The following AASS variants were observed in gnomAD, a reference collection of about 807,000 sequenced individuals.
AASS encodes alpha-aminoadipic semialdehyde synthase, mitochondrial.
A neutral mutation model predicts 105.4 loss-of-function variants in AASS; 86 were observed. The observed-to-expected ratio is 0.82, with a 90% CI of 0.69 to 0.98. AASS has a LOEUF of 0.98. Ranked by LOEUF, AASS falls within the 50% of genes least tolerant of loss-of-function variation. AASS has a pLI of 0.00. For missense variants in AASS, 1,048 were observed against 1,143.2 expected (o/e 0.92, Z 1.20); for synonymous variants, 381 against 394.8 (o/e 0.96, Z 0.41).
In AASS at chr7:122,079,646, C is replaced by T; in HGVS notation, c.2347G>A (p.Val783Ile). Reference protein sequence around the residue: ...SSEHDVLKEAVLKKLGGDNTQ... With the variant: ...SSEHDVLKEAILKKLGGDNTQ... ...TTGTCTCCTCCTAGTTTCTTAAGAACAGCTTCCTTCAACACATCATGCTCA... is the reference window on the plus strand; with the variant it reads ...TTGTCTCCTCCTAGTTTCTTAAGAATAGCTTCCTTCAACACATCATGCTCA... Residue 783 changes from valine to isoleucine, a missense_variant, in exon 21 of 24, where the codon GTT (valine) becomes ATT (isoleucine). Physicochemically the swap from Val to Ile is conservative, Grantham distance 29. Transcript: ENST00000417368. 6.2e-7 allele frequency: 1 copy of T among 1,614,076 alleles called. No homozygotes were observed. The highest frequency in any genetic ancestry group is 8.5e-7 in the Non-Finnish European group (1 of 1,179,956).
chr7:122,126,636 C>A (rs926230181), intron 3 of AASS, among the ~76,000 whole-genome samples, 177 bp from the exon 4 acceptor site: 1 of 152,108 alleles, frequency 6.6e-6, no homozygotes, highest in African/African-American at 2.4e-5. Flanking sequence ...GGTAGCAAAC[C>A]AATGGTAGGC....
intron 2 of AASS, among the ~76,000 whole-genome samples, chr7:122,129,788 G>T (rs1036903372): frequency 1.3e-5 from 2 of 152,076 alleles, no homozygotes; most frequent in Admixed American, 6.6e-5. Flanking sequence ...TTTAAGAAGA[G>T]TTTATAATTT....
chr7:122,121,625 C>A (rs980563898), intron 4 of AASS, among the ~76,000 whole-genome samples: 7 of 152,150 alleles, frequency 4.6e-5, no homozygotes, highest in Admixed American at 2.0e-4. Context: ...AACTCCTGAG[C>A]TCAAGCAATC....
intron 21 of AASS, 118 bp downstream of exon 21, chr7:122,079,479 C>T (rs1793200923): frequency 2.8e-6 from 3 of 1,081,938 alleles, no homozygotes; most frequent in African/African-American, 3.1e-5. Context: ...ATCTCTCTAC[C>T]CACATTAGAG....
At chr7:122,106,547 C>T (rs1353036635) in intron 11 of AASS, among the ~76,000 whole-genome samples, 1 of 151,856 alleles carries the variant, frequency 6.6e-6, no homozygotes, top group African/African-American at 2.4e-5. Flanking sequence ...AAGACTCGTA[C>T]AAAACCAGAC....
intron 18 of AASS, among the ~76,000 whole-genome samples, chr7:122,086,948 A>C (rs1171230034): frequency 6.6e-6 from 1 of 152,216 alleles, no homozygotes; most frequent in Non-Finnish European, 1.5e-5. Flanking sequence ...TCTAATTTTA[A>C]TTAAAAGACT....
At chr7:122,081,359 G>T (rs1793311869) in intron 20 of AASS, 141 bp downstream of exon 20, 2 of 765,998 alleles carry the variant, frequency 2.6e-6, no homozygotes, top group Non-Finnish European at 4.7e-6. Context: ...AGGGAAAGGG[G>T]GCTTTGGAGT....
intron 9 of AASS, 55 bp from the exon 10 acceptor site, chr7:122,113,775 AG>A: frequency 1.3e-6 from 2 of 1,596,800 alleles, no homozygotes; most frequent in Middle Eastern, 3.3e-4. Context: ...GTCTCCAACA[AG>A]ACTAAAAAAA....
Position 122,115,182 on chromosome 7 carries a change from C to T in AASS, c.935G>A (p.Trp312Ter). 1.2e-6 allele frequency: 2 copies of T among 1,614,058 alleles called. No individual in the cohort carries two copies. The highest frequency in any genetic ancestry group is 2.2e-5 in the South Asian group (2 of 91,080). ...YTTCLINGIY[W>*]EQNTPRLLTR... The stretch of plus-strand genomic sequence containing the variant: ...TAGGAGGCGAGGAGTGTTTTGTTCC[C>T]AGTAGATTCCATTAATTAAGCAAGT... Residue 312 changes from tryptophan (W) to a stop codon, truncating the protein, a stop_gained, in exon 9 of 24, where the codon TGG becomes TAG. Transcript: ENST00000417368. LOFTEE classifies it high-confidence loss of function.
At chr7:122,103,878 T>G (rs1794543795) in intron 11 of AASS, among the ~76,000 whole-genome samples, 1 of 152,052 alleles carries the variant, frequency 6.6e-6, no homozygotes, top group Non-Finnish European at 1.5e-5. Flanking sequence ...TAAGTTGTTA[T>G]TAGTATAAAA....
intron 17 of AASS, 112 bp downstream of exon 17, chr7:122,092,731 A>T: frequency 1.0e-6 from 1 of 997,734 alleles, no homozygotes; most frequent in Non-Finnish European, 1.6e-6. Flanking sequence ...TCTCAAAAAA[A>T]AAAAATCTTT....
intron 1 of AASS, among the ~76,000 whole-genome samples, chr7:122,139,669 T>C (rs924416338): frequency 5.9e-5 from 9 of 152,192 alleles, no homozygotes; most frequent in Non-Finnish European, 1.3e-4. Context: ...CTTAAAATGA[T>C]GTGTTTGGCC....
chr7:122,123,450 C>T (rs935055943), intron 4 of AASS, among the ~76,000 whole-genome samples: 1 of 152,200 alleles, frequency 6.6e-6, no homozygotes, highest in African/African-American at 2.4e-5. Flanking sequence ...TTCTATATCT[C>T]ATTCAATTTT....
chr7:122,101,340 T>C (rs774118782), intron 13 of AASS, 31 bp downstream of exon 13: 2 of 1,525,490 alleles, frequency 1.3e-6, no homozygotes, highest in Admixed American at 3.4e-5. Context: ...AGAATAAATG[T>C]ATAAAACAAG....
intron 10 of AASS, 122 bp downstream of exon 10, chr7:122,113,476 T>A: frequency 7.8e-7 from 1 of 1,284,852 alleles, no homozygotes; most frequent in Non-Finnish European, 1.1e-6. Flanking sequence ...AATTTTAGTA[T>A]GTTTGAGTAT....
rs1198840455 is a variant in AASS at position 122,088,059 on chromosome 7, C to A, written c.2017-1880G>T. Among the ~76,000 whole-genome samples the A allele has an allele frequency of 2.6e-5, 4 of 152,174 alleles. No homozygotes were observed. The East Asian group carries it at 5.8e-4, about 22-fold the overall frequency. On this transcript the variant is annotated intron_variant, in intron 18 of 23. Coordinates refer to ENST00000417368, the MANE Select transcript of AASS (RefSeq NM_005763.4). ...ATATAATGTAGTTCAACAATAAGTTCTTTCTTGTTTATTATTTTATTAATA... is the reference window on the plus strand; with the variant it reads ...ATATAATGTAGTTCAACAATAAGTTATTTCTTGTTTATTATTTTATTAATA...
intron 10 of AASS, 111 bp downstream of exon 10, chr7:122,113,487 A>G: frequency 2.2e-6 from 3 of 1,390,354 alleles, no homozygotes; most frequent in Non-Finnish European, 2.0e-6. Flanking sequence ...GTTTGAGTAT[A>G]TCTCTCCAAA....
chr7:122,087,385 C>T (rs1793680771), intron 18 of AASS, among the ~76,000 whole-genome samples: 1 of 152,158 alleles, frequency 6.6e-6, no homozygotes, highest in Admixed American at 6.5e-5. Flanking sequence ...GAGTGCCAAG[C>T]ACCATTTAAA....
At chr7:122,095,179 G>A (rs957883331) in intron 15 of AASS, among the ~76,000 whole-genome samples, 1 of 151,988 alleles carries the variant, frequency 6.6e-6, no homozygotes, top group Non-Finnish European at 1.5e-5. Flanking sequence ...GGTCCACGGA[G>A]GAGACAGGCT....
Sources: gnomAD v4.1 joint callset for allele counts (sites outside exome capture counted in the v4.1 genomes callset) on GRCh38, gnomAD v4.1.1 for gene constraint, MANE v1.5 for transcripts, NCBI Gene and HGNC (gene_info 2026-07-23, HGNC 2026-07-21) for gene names.